PLEKHA5: variants seen among roughly 807,000 people sequenced by gnomAD.
PLEKHA5 encodes the protein pleckstrin homology domain containing A5.
Under a neutral mutation model 181.9 loss-of-function variants are expected in PLEKHA5, and 55 were observed. The observed-to-expected ratio is 0.30, with a 90% CI of 0.24 to 0.38. The LOEUF (loss-of-function observed/expected upper bound fraction) is 0.38. Among genes scored for constraint, PLEKHA5 ranks in the 10% least tolerant of loss-of-function variants. The pLI is 1.00. For missense variants in PLEKHA5, 1,432 were observed against 1,549.5 expected (o/e 0.92, Z 1.27); for synonymous variants, 535 against 529.4 (o/e 1.01, Z -0.15).
At chr12:19,244,075 A>G (rs2063173558) in intron 3 of PLEKHA5, among the ~76,000 whole-genome samples, 1 of 152,098 alleles carries the variant, frequency 6.6e-6, no homozygotes, top group African/African-American at 2.4e-5. Flanking sequence ...TTTAATAATA[A>G]TTTTTAAATT....
chr12:19,318,390 A>C (rs957958497), intron 16 of PLEKHA5, among the ~76,000 whole-genome samples: 2 of 152,306 alleles, frequency 1.3e-5, no homozygotes, highest in Admixed American at 6.5e-5. Flanking sequence ...CTCTATTATG[A>C]TATGCTAACT....
In PLEKHA5 at chr12:19,199,207, C is replaced by G. The variant is rs116460747; in HGVS notation, c.228-54733C>G. On this transcript the variant is annotated intron_variant, in intron 3 of 31. Coordinates refer to ENST00000429027, the MANE Select transcript of PLEKHA5 (RefSeq NM_001256470.2). ...TTTATACCTCTGCCTAAGACTCTTG[C>G]AAATATAAGCTCCTGATTTGGTAGA... is the stretch of plus-strand genomic sequence containing the variant. Among the ~76,000 whole-genome samples the G allele has an allele frequency of 5.9e-3, 897 of 152,180 alleles. 12 individuals are homozygous for G. The highest frequency in any genetic ancestry group is 0.02 in the African/African-American group (851 of 41,528).
At position 19,341,104 on chromosome 12, in the gene PLEKHA5, C is replaced by G. The variant is rs187432662; in HGVS notation, c.2551-2219C>G. On this transcript the variant is annotated intron_variant, in intron 21 of 31. Transcript: ENST00000429027. ...CCTGGCCAACATGGCGAAACCTCAT[C>G]TCTACTAAAATACAAAAAAAGAGAG... is the stretch of plus-strand genomic sequence containing the variant. Among the ~76,000 whole-genome samples, 174 of 152,214 alleles carry G rather than the reference C, an allele frequency of 1.1e-3. 1 individual carries two copies. The highest frequency in any genetic ancestry group is 4.0e-3 in the African/African-American group (167 of 41,536).
intron 20 of PLEKHA5, among the ~76,000 whole-genome samples, chr12:19,333,557 C>G (rs2093062111): frequency 1.3e-5 from 2 of 151,816 alleles, no homozygotes; most frequent in Admixed American, 1.3e-4. Flanking sequence ...CCACTGCACT[C>G]CAGCCTAGGC....
chr12:19,285,253 G>A (rs1001161015), intron 12 of PLEKHA5, among the ~76,000 whole-genome samples: 5 of 152,172 alleles, frequency 3.3e-5, no homozygotes, highest in East Asian at 1.9e-4. Flanking sequence ...AACTTAATGT[G>A]TATGGTCTAA....
At position 19,358,006 on chromosome 12, in the gene PLEKHA5, C is replaced by T. The variant is rs531895575; in HGVS notation, c.3139-222C>T. On this transcript the variant is annotated intron_variant, in intron 26 of 31. Coordinates refer to ENST00000429027, the MANE Select transcript of PLEKHA5 (RefSeq NM_001256470.2). ...TTTTCTCTCTCCTCCCTTATAATAT[C>T]GTCTCTTTTTCTTTCTGTTATTGAG... Among the ~76,000 whole-genome samples the T allele has an allele frequency of 2.4e-4, 37 of 152,090 alleles. No homozygotes were observed. The South Asian group carries it at 3.5e-3, about 14-fold the overall frequency.
At chr12:19,146,361 T>C (rs1212031482) in intron 3 of PLEKHA5, among the ~76,000 whole-genome samples, 1 of 152,234 alleles carries the variant, frequency 6.6e-6, no homozygotes, top group African/African-American at 2.4e-5. Context: ...TCACATATTT[T>C]CTGTGTTTTT....
In PLEKHA5 at chr12:19,319,431, A is replaced by G. The variant is rs190375807; in HGVS notation, c.2119-590A>G. Among the ~76,000 whole-genome samples the G allele has an allele frequency of 1.5e-3, 234 of 152,312 alleles. 1 individual carries two copies. The highest frequency in any genetic ancestry group is 6.2e-4 in the Non-Finnish European group (42 of 68,006). ...CAATTCAAAGTTATCTCCTGTTTAA[A>G]TGATGCTTCCTTTTAAAGCTGTAAC... On this transcript the variant is annotated intron_variant, in intron 16 of 31. Coordinates refer to ENST00000429027, the MANE Select transcript of PLEKHA5 (RefSeq NM_001256470.2).
chr12:19,152,004 C>G (rs2040511497), intron 3 of PLEKHA5: 1 of 151,628 alleles, frequency 6.6e-6, no homozygotes, highest in Non-Finnish European at 1.5e-5. Flanking sequence ...GTAGCTGGGA[C>G]TACAGGCGCC....
chr12:19,246,845 G>A (rs2063886092), intron 3 of PLEKHA5, among the ~76,000 whole-genome samples: 1 of 152,042 alleles, frequency 6.6e-6, no homozygotes, highest in African/African-American at 2.4e-5. Context: ...GAATACTTTA[G>A]TTTCTTTCCT....
intron 3 of PLEKHA5, among the ~76,000 whole-genome samples, chr12:19,212,031 A>T (rs1446039544): frequency 6.6e-6 from 1 of 152,142 alleles, no homozygotes; most frequent in African/African-American, 2.4e-5. Context: ...TGGTCTGTTG[A>T]GCCTAGTGCA....
chr12:19,279,676 C>G (rs2075551071), intron 11 of PLEKHA5, among the ~76,000 whole-genome samples: 1 of 150,470 alleles, frequency 6.6e-6, no homozygotes, highest in Non-Finnish European at 1.5e-5. Context: ...AAAAAAAATA[C>G]ATACATATAT....
chr12:19,210,264 A>G (rs546695847), intron 3 of PLEKHA5, among the ~76,000 whole-genome samples: 3 of 152,196 alleles, frequency 2.0e-5, no homozygotes, highest in Admixed American at 6.5e-5. Context: ...CCCCTGATAC[A>G]TCTTAGTAAA....
Position 19,264,673 on chromosome 12 carries a change from G to GA in PLEKHA5, c.611-1071dup, listed in dbSNP as rs1463525969. On this transcript the variant is annotated intron_variant, in intron 7 of 31. Coordinates refer to ENST00000429027, the MANE Select transcript of PLEKHA5 (RefSeq NM_001256470.2). ...TTCCATTGCTATGAGAAAAGCTATT[G>GA]AAAAAAGCCTCCATTTAATGTAACT... Among the ~76,000 whole-genome samples, 12 of 151,962 alleles carry GA rather than the reference G, an allele frequency of 7.9e-5. 1 individual carries two copies. The highest frequency in any genetic ancestry group is 5.9e-5 in the Non-Finnish European group (4 of 67,958).
intron 3 of PLEKHA5, among the ~76,000 whole-genome samples, chr12:19,242,000 G>A (rs1233945639): frequency 1.3e-5 from 2 of 151,982 alleles, no homozygotes; most frequent in Non-Finnish European, 2.9e-5. Flanking sequence ...CTCTTAAATG[G>A]TTAAGTTCAG....
intron 6 of PLEKHA5, 129 bp from the exon 7 acceptor site, chr12:19,260,820 A>G (rs1257605453): frequency 2.1e-6 from 1 of 483,502 alleles, no homozygotes; most frequent in Non-Finnish European, 3.6e-6. Flanking sequence ...AGGTTGCACC[A>G]TTGCACTCCA....
At chr12:19,142,356 G>A (rs887706964) in intron 3 of PLEKHA5, among the ~76,000 whole-genome samples, 4 of 152,076 alleles carry the variant, frequency 2.6e-5, no homozygotes, top group East Asian at 1.9e-4. Context: ...GCAACTGAGC[G>A]AGACCCCATC....
intron 3 of PLEKHA5, chr12:19,151,017 G>C (rs1327558344): frequency 7.2e-5 from 11 of 152,216 alleles, no homozygotes; most frequent in Admixed American, 7.2e-4. Context: ...TGGAGATTTG[G>C]TGTTGCAGTG....
chr12:19,235,297 A>T (rs948784051), intron 3 of PLEKHA5, among the ~76,000 whole-genome samples: 1 of 152,224 alleles, frequency 6.6e-6, no homozygotes, highest in African/African-American at 2.4e-5. Flanking sequence ...GTTGCGTGCT[A>T]GATTTAGTTG....
Sources: allele counts gnomAD v4.1 joint callset (sites outside exome capture counted in the v4.1 genomes callset), GRCh38; gene constraint gnomAD v4.1.1; transcripts MANE v1.5; gene names NCBI Gene and HGNC (gene_info 2026-07-23, HGNC 2026-07-21).